The following PTCHD4 variants were observed in gnomAD, a reference collection of about 807,000 sequenced individuals.
PTCHD4 encodes patched domain containing 4, also known as patched domain-containing protein 4.
PTCHD4 carries 33 observed loss-of-function variants against 58.1 expected under a neutral mutation model. That is an observed-to-expected ratio of 0.57 (90% CI 0.43 to 0.76). The LOEUF is 0.76. PTCHD4 is among the 30% of genes least tolerant of loss of function. The pLI, the probability that PTCHD4 is intolerant of heterozygous loss-of-function variation, is 0.00. For missense variants in PTCHD4, 1,058 were observed against 1,027.1 expected (o/e 1.03, Z -0.41); for synonymous variants, 478 against 409.6 (o/e 1.17, Z -2.02).
intron 3 of PTCHD4, among the ~76,000 whole-genome samples, chr6:48,041,809 T>A (rs1455906792): frequency 6.6e-6 from 1 of 152,052 alleles, no homozygotes; most frequent in African/African-American, 2.4e-5. Flanking sequence ...ATACATGTAG[T>A]CACATCTTTA....
intron 1 of PTCHD4, among the ~76,000 whole-genome samples, chr6:48,091,440 T>G (rs371399639): frequency 5.5e-4 from 84 of 152,186 alleles, no homozygotes; most frequent in African/African-American, 1.9e-3. Context: ...TCTGCAAAAT[T>G]AGAATTTCTT....
chr6:47,996,455 A>G (rs1768491807), intron 4 of PTCHD4, among the ~76,000 whole-genome samples: 3 of 142,492 alleles, frequency 2.1e-5, no homozygotes, highest in Admixed American at 7.1e-5. Context: ...AGCCTGGGCT[A>G]CAGAGTAAGT....
intron 4 of PTCHD4, among the ~76,000 whole-genome samples, chr6:47,944,426 C>G (rs547089428): frequency 6.6e-6 from 1 of 152,090 alleles, no homozygotes; most frequent in South Asian, 2.1e-4. Flanking sequence ...GTAAAAATTG[C>G]CCTTAAAGAA....
At chr6:48,008,473 G>A (rs1320339614) in intron 4 of PTCHD4, among the ~76,000 whole-genome samples, 161 bp downstream of exon 4, 4 of 152,044 alleles carry the variant, frequency 2.6e-5, no homozygotes, top group Admixed American at 6.5e-5. Flanking sequence ...TTCCTGAAAG[G>A]CCCAATAAGG....
chr6:47,909,380 A>G (rs1764995056), intron 4 of PTCHD4, among the ~76,000 whole-genome samples: 1 of 152,170 alleles, frequency 6.6e-6, no homozygotes, highest in Non-Finnish European at 1.5e-5. Flanking sequence ...TTTTGCTCAC[A>G]TGATATTATC....
In PTCHD4 at chr6:47,970,717, A is replaced by G. The variant is rs1252711035; in HGVS notation, c.898+37917T>C. On this transcript the variant is annotated intron_variant, in intron 4 of 4. Transcript: ENST00000339488. Reference sequence around the variant, plus strand: ...GATTGCTTTGTTTTTTGTTCCTGTTAACAGATGTATTCCCACTAGGCAGGA... The same window carrying G: ...GATTGCTTTGTTTTTTGTTCCTGTTGACAGATGTATTCCCACTAGGCAGGA... 1.3e-5 allele frequency among the ~76,000 whole-genome samples: 2 copies of G among 152,226 alleles called. 1 individual carries two copies. The highest frequency in any genetic ancestry group is 6.8e-3 in the Middle Eastern group (2 of 294).
At chr6:48,058,565 T>A (rs1013076257) in intron 3 of PTCHD4, among the ~76,000 whole-genome samples, 6 of 151,850 alleles carry the variant, frequency 4.0e-5, no homozygotes, top group Non-Finnish European at 8.8e-5. Context: ...AGAAAAAAAA[T>A]TATTAAAAAA....
chr6:48,077,047 A>G (rs1386992267), intron 1 of PTCHD4, among the ~76,000 whole-genome samples: 1 of 152,228 alleles, frequency 6.6e-6, no homozygotes, highest in Admixed American at 6.5e-5. Flanking sequence ...TACTCAGGCC[A>G]TATTTAGTCT....
rs573480125 is a variant in PTCHD4 at position 48,047,618 on chromosome 6, C to G, written c.417+20612G>C. On this transcript the variant is annotated intron_variant, in intron 3 of 4. Coordinates refer to ENST00000339488, the MANE Select transcript of PTCHD4 (RefSeq NM_001384253.1). ...AAAATTAGTATATTGAGATCCTAAT[C>G]CCCAATGTGATGCTATTTGAAGGTG... 1.1e-3 allele frequency among the ~76,000 whole-genome samples: 171 copies of G among 151,890 alleles called. 1 individual carries two copies. In the Middle Eastern group the frequency reaches 0.017, roughly 15 times the overall value.
rs115657934 is a variant in PTCHD4 at position 48,028,373 on chromosome 6, G to A, written c.418-19259C>T. 6.6e-3 allele frequency among the ~76,000 whole-genome samples: 1,010 copies of A among 152,064 alleles called. 10 individuals are homozygous for A. The highest frequency in any genetic ancestry group is 0.023 in the African/African-American group (953 of 41,482). ...CTGGTTGTTCAAGAATAATAAAGAGGAAAAATACAGGACAAAAATTGAGTG... is the reference window on the plus strand; with the variant it reads ...CTGGTTGTTCAAGAATAATAAAGAGAAAAAATACAGGACAAAAATTGAGTG... On this transcript the variant is annotated intron_variant, in intron 3 of 4. Transcript: ENST00000339488.
At chr6:48,071,968 A>G (rs1484281269) in intron 1 of PTCHD4, among the ~76,000 whole-genome samples, 1 of 152,174 alleles carries the variant, frequency 6.6e-6, no homozygotes, top group Non-Finnish European at 1.5e-5. Flanking sequence ...GTAAAGTGCC[A>G]TTTTCATCAC....
At chr6:47,885,722 C>T (rs570667191) in intron 4 of PTCHD4, among the ~76,000 whole-genome samples, 2 of 152,352 alleles carry the variant, frequency 1.3e-5, no homozygotes, top group African/African-American at 4.8e-5. Context: ...TTTTTCCAAA[C>T]TCCTACTCTT....
chr6:47,927,815 G>T (rs1281167723), intron 4 of PTCHD4, among the ~76,000 whole-genome samples: 6 of 151,336 alleles, frequency 4.0e-5, no homozygotes, highest in African/African-American at 4.9e-5. Context: ...TAGAGACAGG[G>T]TTTTGCCATG....
At chr6:47,978,381 G>T (rs1248291249) in intron 4 of PTCHD4, among the ~76,000 whole-genome samples, 1 of 152,128 alleles carries the variant, frequency 6.6e-6, no homozygotes, top group Non-Finnish European at 1.5e-5. Context: ...GAGGTCTGGA[G>T]AGCTCTGCTT....
chr6:48,018,825 A>G (rs1178491342), intron 3 of PTCHD4, among the ~76,000 whole-genome samples: 1 of 152,232 alleles, frequency 6.6e-6, no homozygotes, highest in Non-Finnish European at 1.5e-5. Flanking sequence ...ATGTTGACCT[A>G]CATAAGAGAA....
At chr6:47,934,276 T>G (rs1399435302) in intron 4 of PTCHD4, among the ~76,000 whole-genome samples, 1 of 152,184 alleles carries the variant, frequency 6.6e-6, no homozygotes, top group African/African-American at 2.4e-5. Context: ...AGAGAGTTCC[T>G]GTTTCCCCTT....
chr6:48,002,478 A>G lies in PTCHD4; in HGVS notation c.898+6156T>C, dbSNP rs545579714. On this transcript the variant is annotated intron_variant, in intron 4 of 4. Transcript: ENST00000339488. ...TTTGTAGGGACGTGGGTGAAGCTGGAAACCATCATTGTCAGCAAACTATCA... is the reference window on the plus strand; with the variant it reads ...TTTGTAGGGACGTGGGTGAAGCTGGGAACCATCATTGTCAGCAAACTATCA... Among the ~76,000 whole-genome samples, 5 of 152,280 alleles carry G rather than the reference A, an allele frequency of 3.3e-5. No individual in the cohort carries two copies. The East Asian group carries it at 5.8e-4, about 18-fold the overall frequency.
chr6:47,985,557 A>C (rs950692381), intron 4 of PTCHD4, among the ~76,000 whole-genome samples: 1 of 152,118 alleles, frequency 6.6e-6, no homozygotes, highest in East Asian at 1.9e-4. Context: ...TTCCTGTTTT[A>C]GAAAAAAACT....
rs183388095 is a variant in PTCHD4 at position 47,940,477 on chromosome 6, C to T, written c.899-60541G>A. Among the ~76,000 whole-genome samples the T allele has an allele frequency of 2.7e-4, 41 of 152,244 alleles. 1 individual carries two copies. The highest frequency in any genetic ancestry group is 9.9e-4 in the African/African-American group (41 of 41,548). ...AACCAATGATTTTGTTTTTCATCTC[C>T]AAAGGGAGTTCCCCAGAGTCATTCA... is the stretch of plus-strand genomic sequence containing the variant. On this transcript the variant is annotated intron_variant, in intron 4 of 4. Transcript: ENST00000339488.
Sources: gnomAD v4.1 joint callset for allele counts (sites outside exome capture counted in the v4.1 genomes callset) on GRCh38, gnomAD v4.1.1 for gene constraint, MANE v1.5 for transcripts, NCBI Gene and HGNC (gene_info 2026-07-23, HGNC 2026-07-21) for gene names.